Variants in HSD17B4 observed in about 807,000 individuals in gnomAD.
HSD17B4 encodes the protein hydroxysteroid 17-beta dehydrogenase 4.
HSD17B4 carries 70 observed loss-of-function variants against 101.0 expected under a neutral mutation model. The ratio of observed to expected loss-of-function variants is 0.69; its 90% confidence interval spans 0.57 to 0.85. The LOEUF (loss-of-function observed/expected upper bound fraction) is 0.85, where lower values mean the gene tolerates loss of function less well. Ranked by LOEUF, HSD17B4 falls within the 40% of genes least tolerant of loss-of-function variation. The probability of loss-of-function intolerance (pLI) is 0.00; values close to 1 mark genes in which losing one functional copy is unlikely to be tolerated. For synonymous variants in HSD17B4, 347 were observed against 297.1 expected (o/e 1.17, Z -1.73); for missense variants, 984 against 892.4 (o/e 1.10, Z -1.31).
intron 17 of HSD17B4, among the ~76,000 whole-genome samples, chr5:119,521,378 C>G (rs1753099245): frequency 6.6e-6 from 1 of 152,044 alleles, no homozygotes; most frequent in African/African-American, 2.4e-5. Flanking sequence ...GCAGGTCAGT[C>G]TTCCTTATAT....
In HSD17B4 at chr5:119,531,409, G is replaced by C. The variant is rs1339854388; in HGVS notation, c.1993+5G>C. 1 of 1,610,294 alleles carries C rather than the reference G, an allele frequency of 6.2e-7. No individual in the cohort carries two copies. The highest frequency in any genetic ancestry group is 8.5e-7 in the Non-Finnish European group (1 of 1,176,736). ...GAAATATTGGGGCTAAGTGGAGTAA[G>C]TTATAGCCCTGATTTTATAATATTC... On this transcript the variant is annotated splice_donor_5th_base_variant and intron_variant, in intron 22 of 23. Coordinates refer to ENST00000510025, the MANE Select transcript of HSD17B4 (RefSeq NM_000414.4).
At chr5:119,503,908 C>T (rs2073981041) in intron 14 of HSD17B4, among the ~76,000 whole-genome samples, 1 of 151,778 alleles carries the variant, frequency 6.6e-6, no homozygotes, top group South Asian at 2.1e-4. Flanking sequence ...AGCATAGTAC[C>T]CAATAGGTAG....
chr5:119,464,001 A>G (rs1032195741), intron 2 of HSD17B4, among the ~76,000 whole-genome samples: 3 of 152,042 alleles, frequency 2.0e-5, no homozygotes, highest in African/African-American at 7.2e-5. Context: ...TTCATTTGCC[A>G]TTTTAAAAAT....
chr5:119,496,702 C>T lies in HSD17B4; in HGVS notation c.972+56C>T, dbSNP rs1001555923. 7 of 895,888 alleles carry T rather than the reference C, an allele frequency of 7.8e-6. No homozygotes were observed. The African/African-American group carries it at 1.3e-4, about 16-fold the overall frequency. 55.5% of individuals were successfully genotyped at this position (895,888 alleles called of 1,614,324 possible). ...CTTCTCTGGAGACTTTCCCTCCCTT[C>T]TTCCCTCCCTGCTTTCTTCCTCCCC... On this transcript the variant is annotated intron_variant, in intron 12 of 23. Coordinates refer to ENST00000510025, the MANE Select transcript of HSD17B4 (RefSeq NM_000414.4).
intron 14 of HSD17B4, among the ~76,000 whole-genome samples, chr5:119,505,607 T>C (rs535178352): frequency 6.6e-6 from 1 of 152,338 alleles, no homozygotes; most frequent in African/African-American, 2.4e-5. Context: ...CCTGAAACTT[T>C]TACTTGACTC....
chr5:119,531,469 A>C (rs1334855945), intron 22 of HSD17B4, 65 bp downstream of exon 22: 1 of 1,488,334 alleles, frequency 6.7e-7, no homozygotes, highest in Non-Finnish European at 9.3e-7. Context: ...TATCTTTTTA[A>C]CAATTAAAGA....
At position 119,490,808 on chromosome 5, in the gene HSD17B4, T is replaced by C. The variant is rs142478743; in HGVS notation, c.715-1292T>C. On this transcript the variant is annotated intron_variant, in intron 9 of 23. Coordinates refer to ENST00000510025, the MANE Select transcript of HSD17B4 (RefSeq NM_000414.4). ...GTCTGGAACTCCTGACCTCAAATAATCTGCCCGCCTTGGCCTCCCAAAGTC... is the reference window on the plus strand; with the variant it reads ...GTCTGGAACTCCTGACCTCAAATAACCTGCCCGCCTTGGCCTCCCAAAGTC... 8.2e-3 allele frequency among the ~76,000 whole-genome samples: 1,251 copies of C among 152,276 alleles called. 7 individuals carry two copies. Among genetic ancestry groups the C allele is most frequent in the Non-Finnish European group, 0.013 (874 of 68,004 alleles).
At chr5:119,454,955 G>T (rs1754456118) in intron 1 of HSD17B4, among the ~76,000 whole-genome samples, 1 of 152,040 alleles carries the variant, frequency 6.6e-6, no homozygotes, top group Non-Finnish European at 1.5e-5. Flanking sequence ...AATAATTTAT[G>T]TATCTCAGTT....
At chr5:119,464,887 C>T (rs1755661391) in intron 2 of HSD17B4, among the ~76,000 whole-genome samples, 1 of 152,184 alleles carries the variant, frequency 6.6e-6, no homozygotes, top group Admixed American at 6.5e-5. Flanking sequence ...AGCCACCGCG[C>T]CCGGCCTTTG....
At chr5:119,483,441 CTTT>C (rs1749331282) in intron 8 of HSD17B4, among the ~76,000 whole-genome samples, 1 of 152,098 alleles carries the variant, frequency 6.6e-6, no homozygotes, top group Non-Finnish European at 1.5e-5. Flanking sequence ...CTTCCAAGCT[CTTT>C]TTATGTTGGA....
intron 2 of HSD17B4, chr5:119,456,628 C>T (rs114128095): frequency 2.3e-5 from 11 of 479,092 alleles, no homozygotes; most frequent in Non-Finnish European, 3.4e-5. Context: ...GTGGCTATAA[C>T]TCCAGTGACT....
intron 20 of HSD17B4, among the ~76,000 whole-genome samples, chr5:119,529,631 C>T (rs557891606): frequency 6.6e-6 from 1 of 152,166 alleles, no homozygotes; most frequent in African/African-American, 2.4e-5. Context: ...GGGATGGGAC[C>T]TCATAGGGTT....
chr5:119,516,970 C>T (rs925361678), intron 17 of HSD17B4, among the ~76,000 whole-genome samples: 6 of 152,264 alleles, frequency 3.9e-5, no homozygotes, highest in Admixed American at 6.5e-5. Flanking sequence ...CGCTCGCTCT[C>T]GGCGCCTCCT....
chr5:119,529,598 G>C (rs1753883911), intron 20 of HSD17B4, among the ~76,000 whole-genome samples: 1 of 151,966 alleles, frequency 6.6e-6, no homozygotes, highest in Admixed American at 6.6e-5. Context: ...GTCTCTATCA[G>C]TGTATTTACA....
chr5:119,477,050 T>C (rs1748654482), intron 6 of HSD17B4, among the ~76,000 whole-genome samples: 1 of 152,212 alleles, frequency 6.6e-6, no homozygotes, highest in South Asian at 2.1e-4. Flanking sequence ...ATGTGATTTA[T>C]GATTATGCCT....
At chr5:119,459,790 A>T (rs1443089435) in intron 2 of HSD17B4, among the ~76,000 whole-genome samples, 3 of 152,090 alleles carry the variant, frequency 2.0e-5, no homozygotes, top group African/African-American at 7.2e-5. Flanking sequence ...TTACCCGATT[A>T]ATCTATTAGT....
intron 16 of HSD17B4, among the ~76,000 whole-genome samples, chr5:119,511,696 C>G (rs1752184315): frequency 6.6e-6 from 1 of 152,024 alleles, no homozygotes; most frequent in Non-Finnish European, 1.5e-5. Flanking sequence ...ATATCAGAGG[C>G]TGTACACTAT....
At chr5:119,508,825 T>C (rs1028881621) in intron 15 of HSD17B4, among the ~76,000 whole-genome samples, 18 of 152,234 alleles carry the variant, frequency 1.2e-4, no homozygotes, top group African/African-American at 4.3e-4. Flanking sequence ...AGTGGGATTA[T>C]TTGAAATGTT....
chr5:119,507,558 C>T (rs374173712), intron 15 of HSD17B4, among the ~76,000 whole-genome samples: 18 of 151,590 alleles, frequency 1.2e-4, no homozygotes, highest in Non-Finnish European at 2.1e-4. Flanking sequence ...CTGAGGCGGG[C>T]GGATCATGAG....
Sources: gnomAD v4.1 joint callset for allele counts (sites outside exome capture counted in the v4.1 genomes callset) on GRCh38, gnomAD v4.1.1 for gene constraint, MANE v1.5 for transcripts, NCBI Gene and HGNC (gene_info 2026-07-23, HGNC 2026-07-21) for gene names.